ANK2: variants seen among roughly 807,000 people sequenced by gnomAD.
The protein encoded by ANK2 is ankyrin-2.
ANK2 carries 83 observed loss-of-function variants against 360.5 expected under a neutral mutation model. The observed-to-expected ratio is 0.23, with a 90% CI of 0.19 to 0.28. The LOEUF (loss-of-function observed/expected upper bound fraction) is 0.28, where lower values mean the gene tolerates loss of function less well. ANK2 is among the 10% of genes least tolerant of loss of function. The pLI is 1.00. For synonymous variants in ANK2, 1,740 were observed against 1,759.5 expected, an observed-to-expected ratio of 0.99 and a Z score of 0.28; for missense variants, 4,201 against 4,795.7, an observed-to-expected ratio of 0.88 and a Z score of 3.66.
At chr4:112,731,288 A>C in the ANK2 span, among the ~76,000 whole-genome samples, 2 of 133,324 alleles carry the variant, frequency 1.5e-5, no homozygotes, top group Non-Finnish European at 3.2e-5. Flanking sequence ...AGCAAGATGT[A>C]GTCTCAAAAA....
chr4:113,357,131 A>G lies in ANK2; in HGVS notation c.8513A>G (p.Asp2838Gly). ...TCTAGAGCAGAATCTCCACAAGCAG[A>G]TTGCCCCAGTGAAAGCTTTTCATCT... ...DVSRAESPQA[D>G]CPSESFSSSS... is the part of the protein sequence containing the mutation. The change falls in exon 38 of 46, where the codon GAT becomes GGT. Residue 2838 changes from aspartate to glycine, a missense_variant. Physicochemically the swap from Asp to Gly is moderately conservative, Grantham distance 94. Around this residue, in one of 4 missense-constraint regions of ANK2, gnomAD observed 2,642 missense variants for 2,714.5 expected, o/e 0.97. Coordinates refer to ENST00000357077, the MANE Select transcript of ANK2 (RefSeq NM_001148.6). 6.2e-7 allele frequency: 1 copy of G among 1,614,082 alleles called. No homozygotes were observed. The highest frequency in any genetic ancestry group is 1.1e-5 in the South Asian group (1 of 91,082).
chr4:112,874,274 G>T (rs2074272800), intron 1 of ANK2, among the ~76,000 whole-genome samples: 1 of 150,244 alleles, frequency 6.7e-6, no homozygotes, highest in African/African-American at 2.4e-5. Flanking sequence ...GTAGAGACGG[G>T]GTTTCACCAT....
At chr4:112,913,740 C>A (rs954127209) in intron 2 of ANK2, among the ~76,000 whole-genome samples, 3 of 152,062 alleles carry the variant, frequency 2.0e-5, no homozygotes, top group African/African-American at 7.2e-5. Context: ...TGTTCAGTAA[C>A]TTGAAAGCCC....
Position 113,357,612 on chromosome 4 carries a change from A to G in ANK2, c.8994A>G (p.Gln2998=). 1 of 1,614,158 alleles carries G rather than the reference A, an allele frequency of 6.2e-7. No homozygotes were observed. The highest frequency in any genetic ancestry group is 8.5e-7 in the Non-Finnish European group (1 of 1,179,988). Residue 2998 remains glutamine, a synonymous_variant, in exon 38 of 46, where the codon CAA becomes CAG. Transcript: ENST00000357077. ...FEGQDIKMES[Q]QESTLWEMQS... ...GCCAGGACATAAAAATGGAATCCCA[A>G]CAGGAAAGTACCTTGTGGGAAATGC...
intron 1 of ANK2, among the ~76,000 whole-genome samples, chr4:113,065,879 C>A (rs977734221): frequency 5.9e-5 from 9 of 152,176 alleles, no homozygotes; most frequent in African/African-American, 1.9e-4. Flanking sequence ...CCGGTGCTCC[C>A]AAACTAGGTC....
At chr4:112,709,021 A>G in the ANK2 span, among the ~76,000 whole-genome samples, 5 of 152,242 alleles carry the variant, frequency 3.3e-5, no homozygotes, top group Admixed American at 2.6e-4. Context: ...CTTAAAATCT[A>G]GATTTCCAAA....
chr4:113,013,811 G>A (rs2055611189), intron 2 of ANK2, among the ~76,000 whole-genome samples: 1 of 152,024 alleles, frequency 6.6e-6, no homozygotes, highest in African/African-American at 2.4e-5. Context: ...AAAGCCTCGT[G>A]TTTACTAAAT....
intron 2 of ANK2, among the ~76,000 whole-genome samples, chr4:112,931,443 T>C (rs1207409986): frequency 6.9e-6 from 1 of 145,084 alleles, no homozygotes. Flanking sequence ...CTTTTTTTTT[T>C]TTTTTTTTTT....
At chr4:113,132,574 C>G (rs2096118373) in intron 1 of ANK2, among the ~76,000 whole-genome samples, 1 of 152,180 alleles carries the variant, frequency 6.6e-6, no homozygotes, top group Non-Finnish European at 1.5e-5. Context: ...GGTAGCTTCT[C>G]AGCCAGACGG....
chr4:113,297,409 A>T (rs2072287859), intron 22 of ANK2, among the ~76,000 whole-genome samples: 1 of 152,158 alleles, frequency 6.6e-6, no homozygotes, highest in African/African-American at 2.4e-5. Context: ...ACTTTCAGTG[A>T]CTCACCTTTG....
the ANK2 span, among the ~76,000 whole-genome samples, chr4:112,799,807 C>T: frequency 6.9e-5 from 10 of 145,888 alleles, no homozygotes; most frequent in African/African-American, 1.5e-4. Context: ...AGTGAGCCAC[C>T]GCGCCCAGCC....
At chr4:112,869,158 A>G (rs966889075) in intron 1 of ANK2, among the ~76,000 whole-genome samples, 4 of 152,110 alleles carry the variant, frequency 2.6e-5, no homozygotes, top group African/African-American at 7.2e-5. Context: ...TGTAGAGACA[A>G]GGTCTCACTG....
chr4:113,200,693 G>A (rs1562839256), intron 4 of ANK2, among the ~76,000 whole-genome samples: 1 of 152,174 alleles, frequency 6.6e-6, no homozygotes, highest in South Asian at 2.1e-4. Context: ...ATTCCATGGT[G>A]TATATGTACC....
intron 5 of ANK2, 81 bp downstream of exon 5, chr4:113,232,340 T>C (rs892288349): frequency 9.4e-7 from 1 of 1,064,654 alleles, no homozygotes; most frequent in South Asian, 1.3e-5. Flanking sequence ...ATAGTCTCCA[T>C]TACTTTGTCT....
intron 13 of ANK2, among the ~76,000 whole-genome samples, chr4:113,262,392 AATTT>A (rs1361288094): frequency 6.6e-6 from 1 of 152,038 alleles, no homozygotes; most frequent in Non-Finnish European, 1.5e-5. Context: ...ATGCCTGGCT[AATTT>A]ATTTATTTAT....
chr4:113,355,885 G>A lies in ANK2; in HGVS notation c.7267G>A (p.Ala2423Thr), dbSNP rs3733616. 3.1e-4 allele frequency: 498 copies of A among 1,614,052 alleles called. 4 individuals carry two copies. The East Asian group carries it at 8.2e-3, about 27-fold the overall frequency. Residue 2423 changes from alanine to threonine, a missense_variant, in exon 38 of 46, where the codon GCT (alanine) becomes ACT (threonine). Ala to Thr is a moderately conservative substitution (Grantham distance 58). Transcript: ENST00000357077. Reference protein sequence around the residue: ...LPSRDSEVLSAVADDSLAVSH... With the variant: ...LPSRDSEVLSTVADDSLAVSH... Reference sequence around the variant, plus strand: ...TAGCCGAGATAGCGAAGTCCTCAGCGCTGTGGCTGATGACTCATTAGCAGT... The same window carrying A: ...TAGCCGAGATAGCGAAGTCCTCAGCACTGTGGCTGATGACTCATTAGCAGT...
the ANK2 span, among the ~76,000 whole-genome samples, chr4:112,809,327 C>T: frequency 5.6e-3 from 840 of 150,496 alleles, 11 homozygotes; most frequent in African/African-American, 0.019. Context: ...TTTGGGAGGC[C>T]GAGACGGATG....
chr4:113,139,751 T>C (rs958490350), intron 1 of ANK2, among the ~76,000 whole-genome samples: 2 of 152,180 alleles, frequency 1.3e-5, no homozygotes, highest in Non-Finnish European at 2.9e-5. Flanking sequence ...TGGAGTAGCC[T>C]TCGGAAAGCT....
the ANK2 span, among the ~76,000 whole-genome samples, chr4:112,746,046 C>T: frequency 3.3e-5 from 5 of 151,976 alleles, no homozygotes; most frequent in Non-Finnish European, 7.3e-5. Context: ...CTACCATCCC[C>T]TTCTATCAGC....
Sources: gnomAD v4.1 joint callset for allele counts (sites outside exome capture counted in the v4.1 genomes callset) on GRCh38, gnomAD v4.1.1 for gene constraint, gnomAD v4.1.1 regional missense constraint, MANE v1.5 for transcripts, NCBI Gene and HGNC (gene_info 2026-07-23, HGNC 2026-07-21) for gene names.